CARD14: variants seen among roughly 807,000 people sequenced by gnomAD.
The protein encoded by CARD14 is caspase recruitment domain family member 14, also known as caspase recruitment domain-containing protein 14.
A neutral mutation model predicts 111.5 loss-of-function variants in CARD14; 107 were observed. That is an observed-to-expected ratio of 0.96 (90% confidence interval 0.82 to 1.13). The LOEUF is 1.13. Ranked by LOEUF, CARD14 falls within the 50% of genes most tolerant of loss-of-function variation. The pLI is 0.00. For missense variants in CARD14, 1,322 were observed against 1,362.3 expected (o/e 0.97, Z 0.47); for synonymous variants, 617 against 579.6 (o/e 1.06, Z -0.93).
Position 80,198,655 on chromosome 17 carries a change from G to A in CARD14, c.1851+64G>A, listed in dbSNP as rs1301900479. The A allele has an allele frequency of 6.2e-7, 1 of 1,608,518 alleles. No homozygotes were observed. On this transcript the variant is annotated intron_variant, in intron 16 of 23. Transcript: ENST00000648509. This position sits in a 1 kb window ranked among gnomAD's most constrained non-coding sequence, Gnocchi z 7.5. Reference sequence around the variant, plus strand: ...CATGGGGACAGTGGCAGCGGGTGGGGTGACCCAGGCAGACTTCACCTCCCC... The same window carrying A: ...CATGGGGACAGTGGCAGCGGGTGGGATGACCCAGGCAGACTTCACCTCCCC...
chr17:80,187,556 T>A (rs1375675039), intron 7 of CARD14, among the ~76,000 whole-genome samples: 1 of 152,248 alleles, frequency 6.6e-6, no homozygotes, highest in Non-Finnish European at 1.5e-5. Context: ...CCAGCCCAGC[T>A]GGACCATTGC....
At position 80,195,101 on chromosome 17, in the gene CARD14, T is replaced by C; in HGVS notation, c.1357-90T>C. The stretch of plus-strand genomic sequence containing the variant: ...TGCCTCCTCTCCAGTCAGTTCTCAC[T>C]GTGGCTCTCTCTACACCGTGGGGGA... On this transcript the variant is annotated intron_variant, in intron 12 of 23. Coordinates refer to ENST00000648509, the MANE Select transcript of CARD14 (RefSeq NM_001366385.1). The surrounding 1 kb of genome is among the most constrained non-coding windows in gnomAD (Gnocchi z 4.7). The C allele has an allele frequency of 2.0e-6, 3 of 1,478,432 alleles. No homozygotes were observed. The highest frequency in any genetic ancestry group is 2.7e-6 in the Non-Finnish European group (3 of 1,101,822). The allele number at this position is 1,478,432 out of a possible 1,614,324, so 91.6% of individuals were successfully genotyped here.
At chr17:80,183,322 G>A (rs1417041752) in intron 6 of CARD14, among the ~76,000 whole-genome samples, 1 of 152,256 alleles carries the variant, frequency 6.6e-6, no homozygotes, top group Non-Finnish European at 1.5e-5. Context: ...AGCAGGAGCA[G>A]GACTCACACG....
rs1024390689 is a variant in CARD14, at chr17:80,182,531, C to T, written c.212-122C>T. 1.0e-5 allele frequency: 12 copies of T among 1,201,074 alleles called. No individual in the cohort carries two copies. Among genetic ancestry groups the T allele is most frequent in the East Asian group, 2.5e-5 (1 of 39,226 alleles). The allele number at this position is 1,201,074 out of a possible 1,614,324, so 74.4% of individuals were successfully genotyped here. ...AACCCAGAAAACCGCTTTCACCTCC[C>T]GATTCTTACATGTGCGGGGGGTTTC... On this transcript the variant is annotated intron_variant, in intron 5 of 23. Coordinates refer to ENST00000648509, the MANE Select transcript of CARD14 (RefSeq NM_001366385.1). The surrounding 1 kb of genome is among the most constrained non-coding windows in gnomAD (Gnocchi z 4.7).
chr17:80,202,061 C>T, intron 17 of CARD14, 119 bp from the exon 18 acceptor site: 1 of 1,210,234 alleles, frequency 8.3e-7, no homozygotes, highest in Non-Finnish European at 1.2e-6. Context: ...GACTCCAGTG[C>T]CAGAGCAGCT....
Position 80,198,572 on chromosome 17 carries a change from C to G in CARD14, c.1832C>G (p.Pro611Arg). 2.5e-6 allele frequency: 4 copies of G among 1,612,558 alleles called. No homozygotes were observed. The highest frequency in any genetic ancestry group is 3.4e-6 in the Non-Finnish European group (4 of 1,179,664). ...GSAADQMALR[P>R]GTQIVMVDYE... ...GCGGCGGACCAGATGGCCTTGCGCC[C>G]GGGCACCCAGATTGTGATGGTGAGC... The change falls in exon 16 of 24, where the codon CCG becomes CGG. Residue 611 changes from proline to arginine, a missense_variant. By Grantham distance (103) the Pro-to-Arg change is moderately radical. Coordinates refer to ENST00000648509, the MANE Select transcript of CARD14 (RefSeq NM_001366385.1). The surrounding 1 kb of genome is among the most constrained non-coding windows in gnomAD (Gnocchi z 7.5).
chr17:80,202,167 C>T lies in CARD14; in HGVS notation c.1979-13C>T. 2 of 1,600,546 alleles carry T rather than the reference C, an allele frequency of 1.2e-6. No homozygotes were observed. Among genetic ancestry groups the T allele is most frequent in the Non-Finnish European group, 1.7e-6 (2 of 1,168,926 alleles). ...TCTGTGGCTCATCTGTGGCTCATGT[C>T]CCCTTTTATCAGGTTATAAGAGGCT... is the stretch of plus-strand genomic sequence containing the variant. On this transcript the variant is annotated splice_polypyrimidine_tract_variant and intron_variant, in intron 17 of 23. Coordinates refer to ENST00000648509, the MANE Select transcript of CARD14 (RefSeq NM_001366385.1).
In CARD14 at chr17:80,209,160, G is replaced by C. The variant is rs56105268; in HGVS notation, c.*815G>C. 0.53 allele frequency: 158,883 copies of C among 300,660 alleles called. 43,676 individuals carry two copies. Among genetic ancestry groups the C allele is most frequent in the Non-Finnish European group, 0.58 (119,334 of 204,044 alleles). 18.6% of individuals were successfully genotyped at this position (300,660 alleles called of 1,614,324 possible). A position where few individuals can be genotyped will look rare whatever the true frequency, so the allele number is the denominator to read the frequency against. ...CAGGGCTCGGGGAGGACCCAGGTCC[G>C]CCAGCACCTGGCCTTGCCCCTGCCT... On this transcript the variant is annotated 3_prime_UTR_variant, in exon 24 of 24. Coordinates refer to ENST00000648509, the MANE Select transcript of CARD14 (RefSeq NM_001366385.1).
intron 9 of CARD14, among the ~76,000 whole-genome samples, chr17:80,190,376 G>A (rs1193865565): frequency 6.6e-6 from 1 of 152,146 alleles, no homozygotes; most frequent in Non-Finnish European, 1.5e-5. Flanking sequence ...ACTTTGGAAG[G>A]CCGAGGCAGG....
chr17:80,201,885 C>G lies in CARD14; in HGVS notation c.1978+15C>G, dbSNP rs774496431. On this transcript the variant is annotated intron_variant, in intron 17 of 23. Coordinates refer to ENST00000648509, the MANE Select transcript of CARD14 (RefSeq NM_001366385.1). This position sits in a 1 kb window ranked among gnomAD's most constrained non-coding sequence, Gnocchi z 5.0. Reference sequence around the variant, plus strand: ...CAACACGGACGGTACACATACCACTCCTCTCGTGTGCACAGCTGCCTGGCC... The same window carrying G: ...CAACACGGACGGTACACATACCACTGCTCTCGTGTGCACAGCTGCCTGGCC... The G allele has an allele frequency of 2.5e-6, 4 of 1,601,652 alleles. No individual in the cohort carries two copies. The East Asian group carries it at 8.9e-5, about 36-fold the overall frequency.
In CARD14 at chr17:80,203,762, C is replaced by T. The variant is rs1199828283; in HGVS notation, c.2220-60C>T. On this transcript the variant is annotated intron_variant, in intron 18 of 23. Transcript: ENST00000648509. This position sits in a 1 kb window ranked among gnomAD's most constrained non-coding sequence, Gnocchi z 4.6. ...CCCCCACTCTCCCCTGCTCGGCTCT[C>T]CCCTGCCCTGCTCACCTGGCAGGAG... The T allele has an allele frequency of 7.1e-7, 1 of 1,402,310 alleles. No individual in the cohort carries two copies. The highest frequency in any genetic ancestry group is 2.5e-5 in the East Asian group (1 of 40,358). 86.9% of individuals were successfully genotyped at this position (1,402,310 alleles called of 1,614,324 possible).
At chr17:80,190,636 G>GAT in intron 9 of CARD14, 138 bp from the exon 10 acceptor site, 2 of 843,882 alleles carry the variant, frequency 2.4e-6, no homozygotes, top group African/African-American at 1.8e-5. Flanking sequence ...AAAAGAGAGA[G>GAT]AGAGACGAGT....
intron 1 of CARD14, among the ~76,000 whole-genome samples, chr17:80,172,660 TGA>T (rs2039929158): frequency 6.6e-6 from 1 of 152,050 alleles, no homozygotes; most frequent in African/African-American, 2.4e-5. Flanking sequence ...GAGTCTGTAT[TGA>T]GAGAGAAAGG....
intron 1 of CARD14, among the ~76,000 whole-genome samples, chr17:80,171,081 TC>T (rs2039885843): frequency 6.6e-6 from 1 of 151,140 alleles, no homozygotes; most frequent in Admixed American, 6.6e-5. Flanking sequence ...CTTCAGGTAA[TC>T]CGCCCATCTT....
rs1475132628 is a variant in CARD14 at position 80,189,475 on chromosome 17, A to T, written c.844-278A>T. 6.6e-6 allele frequency among the ~76,000 whole-genome samples: 1 copy of T among 152,142 alleles called. No individual in the cohort carries two copies. The highest frequency in any genetic ancestry group is 1.9e-4 in the East Asian group (1 of 5,188). ...TCCCTCGCTGTGAAACTGCCGGTAG[A>T]TCTGTTGAAGGAGAAGGCTGACCTG... On this transcript the variant is annotated intron_variant, in intron 8 of 23. Coordinates refer to ENST00000648509, the MANE Select transcript of CARD14 (RefSeq NM_001366385.1). This position sits in a 1 kb window ranked among gnomAD's most constrained non-coding sequence, Gnocchi z 4.7.
chr17:80,200,383 C>T (rs1266572755), intron 16 of CARD14, among the ~76,000 whole-genome samples: 1 of 151,702 alleles, frequency 6.6e-6, no homozygotes, highest in African/African-American at 2.4e-5. Flanking sequence ...ATTACAGGTG[C>T]CCGCCACCAC....
intron 11 of CARD14, among the ~76,000 whole-genome samples, chr17:80,191,887 T>G (rs1391258501): frequency 1.3e-5 from 2 of 152,218 alleles, no homozygotes; most frequent in Non-Finnish European, 1.5e-5. Flanking sequence ...GACCTACATG[T>G]AACGGAGGGA....
chr17:80,208,097 C>G (rs1238411969), intron 23 of CARD14, 41 bp from the exon 24 acceptor site: 4 of 1,433,658 alleles, frequency 2.8e-6, no homozygotes, highest in Non-Finnish European at 3.7e-6. Flanking sequence ...TGGGCCCTTG[C>G]TCTCCCCTGA....
At chr17:80,170,118 AG>A (rs201451856) in intron 1 of CARD14, 62 bp downstream of exon 1, 1 of 148,632 alleles carries the variant, frequency 6.7e-6, no homozygotes, top group Non-Finnish European at 1.5e-5. Flanking sequence ...CAGCCTACGG[AG>A]GGGCTCAGCC....
Sources: gnomAD v4.1 joint callset for allele counts (sites outside exome capture counted in the v4.1 genomes callset) on GRCh38, gnomAD v4.1.1 for gene constraint, Gnocchi (gnomAD v3.1) non-coding constraint, MANE v1.5 for transcripts, NCBI Gene and HGNC (gene_info 2026-07-23, HGNC 2026-07-21) for gene names.